Variants in MGST1 observed in about 807,000 individuals in gnomAD.
MGST1 encodes the protein glutathione S-transferase 12.
Under a neutral mutation model 8.9 loss-of-function variants are expected in MGST1, and 5 were observed. That is an observed-to-expected ratio of 0.56 (90% CI 0.29 to 1.19). MGST1 has a LOEUF of 1.19. MGST1 is among the 50% of genes most tolerant of loss of function. The probability of loss-of-function intolerance (pLI) is 0.08; values close to 1 mark genes in which losing one functional copy is unlikely to be tolerated. For synonymous variants in MGST1, 54 were observed against 67.8 expected (o/e 0.80, Z 1.00); for missense variants, 182 against 187.4 (o/e 0.97, Z 0.17).
downstream of MGST1, among the ~76,000 whole-genome samples, chr12:16,368,230 A>G (rs1051787426): frequency 6.6e-6 from 1 of 152,164 alleles, no homozygotes; most frequent in African/African-American, 2.4e-5. Context: ...AAAGTGTTAA[A>G]TTTTAATGCA....
intron 4 of MGST1, among the ~76,000 whole-genome samples, chr12:16,450,839 CGTGTGT>C (rs66984063): frequency 0.2 from 29,457 of 147,340 alleles, 2,944 homozygotes; most frequent in Non-Finnish European, 0.23. Flanking sequence ...ATATATATTC[CGTGTGT>C]GTGTGTGTGT....
chr12:16,498,340 G>A (rs1941483109), intron 4 of MGST1, among the ~76,000 whole-genome samples: 1 of 152,130 alleles, frequency 6.6e-6, no homozygotes, highest in Admixed American at 6.6e-5. Context: ...CATTTACTCA[G>A]TTACCCAGGA....
intron 4 of MGST1, among the ~76,000 whole-genome samples, chr12:16,553,059 A>C (rs529487553): frequency 6.6e-6 from 1 of 152,122 alleles, no homozygotes; most frequent in Non-Finnish European, 1.5e-5. Context: ...TCTTACCTCA[A>C]TGTTTGAAAC....
chr12:16,373,323 C>T (rs1051269583), intron 3 of MGST1, among the ~76,000 whole-genome samples: 3 of 151,342 alleles, frequency 2.0e-5, no homozygotes, highest in Non-Finnish European at 4.4e-5. Flanking sequence ...TGGAAGGAAT[C>T]GATCTAGTGT....
chr12:16,589,407 A>C lies in MGST1; in HGVS notation n.483-121A>C, dbSNP rs1943421177. 6.6e-6 allele frequency: 1 copy of C among 152,126 alleles called. No homozygotes were observed. The highest frequency in any genetic ancestry group is 1.5e-5 in the Non-Finnish European group (1 of 68,006). 9.4% of individuals were successfully genotyped at this position (152,126 alleles called of 1,614,324 possible). ...AGTATAAGCTTGTGGCTTTACTTTT[A>C]CTTGTGACTTCACAGTAAAAAATTA... On this transcript the variant is annotated intron_variant and non_coding_transcript_variant, in intron 4 of 4. Transcript: ENST00000538857. The surrounding 1 kb of genome is among the most constrained non-coding windows in gnomAD (Gnocchi z 4.2).
intron 4 of MGST1, among the ~76,000 whole-genome samples, chr12:16,523,341 CAGT>C (rs1386320292): frequency 2.0e-5 from 3 of 152,008 alleles, no homozygotes; most frequent in African/African-American, 7.2e-5. Flanking sequence ...GTTTTCTCAT[CAGT>C]AAAATTGGGG....
chr12:16,392,082 AT>A (rs1940558056), intron 1 of MGST1, among the ~76,000 whole-genome samples: 1 of 152,080 alleles, frequency 6.6e-6, no homozygotes, highest in Non-Finnish European at 1.5e-5. Context: ...TGGGCTCTCT[AT>A]TCTGTTCCAT....
At chr12:16,464,408 T>C (rs1233990706) in intron 4 of MGST1, among the ~76,000 whole-genome samples, 1 of 152,224 alleles carries the variant, frequency 6.6e-6, no homozygotes, top group Non-Finnish European at 1.5e-5. Flanking sequence ...GAAAGAATGA[T>C]TTCTTTCACC....
chr12:16,544,268 C>G lies in MGST1; in HGVS notation n.483-45260C>G, dbSNP rs892651902. ...CACACACACACACACACACACAAAA[C>G]ATAACCTACTAGTCAATCTGCCTGC... On this transcript the variant is annotated intron_variant and non_coding_transcript_variant, in intron 4 of 4. Coordinates refer to the MGST1 transcript ENST00000538857. This position sits in a 1 kb window ranked among gnomAD's most constrained non-coding sequence, Gnocchi z 4.8. Among the ~76,000 whole-genome samples the G allele has an allele frequency of 2.6e-5, 3 of 116,772 alleles. No homozygotes were observed. The highest frequency in any genetic ancestry group is 1.2e-4 in the African/African-American group (3 of 25,316). The allele number at this position is 116,772 out of a possible 152,430, so 76.6% of individuals were successfully genotyped here. A position where few individuals can be genotyped will look rare whatever the true frequency, so the allele number is the denominator to read the frequency against.
chr12:16,483,101 A>T (rs1360790893), intron 4 of MGST1, among the ~76,000 whole-genome samples: 1 of 152,246 alleles, frequency 6.6e-6, no homozygotes, highest in African/African-American at 2.4e-5. Flanking sequence ...CATAGATGCC[A>T]GGTTTGTTTA....
In MGST1 at chr12:16,395,811, A is replaced by ATATATATATATATATATG. The variant is rs1247749625; in HGVS notation, n.778+12207_778+12208insTATATATATATATATATG. Among the ~76,000 whole-genome samples, 37 of 141,450 alleles carry ATATATATATATATATATG rather than the reference A, an allele frequency of 2.6e-4. 1 individual carries two copies. The highest frequency in any genetic ancestry group is 1.1e-3 in the African/African-American group (36 of 33,286). 92.8% of individuals were successfully genotyped at this position (141,450 alleles called of 152,430 possible). A position where few individuals can be genotyped will look rare whatever the true frequency, so the allele number is the denominator to read the frequency against. On this transcript the variant is annotated intron_variant and non_coding_transcript_variant, in intron 1 of 1. Transcript: ENST00000359720. ...TATATATATATATATATATACACAC[A>ATATATATATATATATATG]CACACACACACACACCACAATTTCT...
chr12:16,431,996 A>T (rs965914996), intron 1 of MGST1, among the ~76,000 whole-genome samples: 1 of 152,176 alleles, frequency 6.6e-6, no homozygotes, highest in African/African-American at 2.4e-5. Context: ...CCATTTGAGA[A>T]ATTCATTTTG....
At position 16,351,000 on chromosome 12, in the gene MGST1, A is replaced by G. The variant is rs1002727310; in HGVS notation, c.-22-3231A>G. Among the ~76,000 whole-genome samples the G allele has an allele frequency of 4.6e-5, 7 of 152,014 alleles. No individual in the cohort carries two copies. In the East Asian group the frequency reaches 7.8e-4, roughly 17 times the overall value. On this transcript the variant is annotated intron_variant, in intron 1 of 3. Transcript: ENST00000396210. Reference sequence around the variant, plus strand: ...CTACCAACAGTCCTGGGAGGCTGCCATTTTTTTCTCTACTCTTTCAATACT... The same window carrying G: ...CTACCAACAGTCCTGGGAGGCTGCCGTTTTTTTCTCTACTCTTTCAATACT...
At chr12:16,436,557 GAAAA>G (rs141363129) in intron 1 of MGST1, among the ~76,000 whole-genome samples, 1 of 147,652 alleles carries the variant, frequency 6.8e-6, no homozygotes, top group Non-Finnish European at 1.5e-5. Context: ...AAACAGGAAA[GAAAA>G]AAAAACAGTA....
At chr12:16,448,253 A>G (rs1941098122) in intron 4 of MGST1, among the ~76,000 whole-genome samples, 1 of 151,914 alleles carries the variant, frequency 6.6e-6, no homozygotes, top group Non-Finnish European at 1.5e-5. Flanking sequence ...TTTCTCCTAT[A>G]ATTTATATAA....
chr12:16,387,584 T>G (rs1348927942), intron 1 of MGST1, among the ~76,000 whole-genome samples: 1 of 151,384 alleles, frequency 6.6e-6, no homozygotes, highest in Admixed American at 6.6e-5. Context: ...TGGAGTGCAG[T>G]GGGGCTATCT....
At chr12:16,453,805 C>G (rs919284842) in intron 4 of MGST1, among the ~76,000 whole-genome samples, 29 of 151,438 alleles carry the variant, frequency 1.9e-4, no homozygotes, top group Non-Finnish European at 2.7e-4. Context: ...ATGTGCGTGT[C>G]TATCTACAAA....
chr12:16,400,514 C>A, intron 1 of MGST1: 2 of 831,500 alleles, frequency 2.4e-6, no homozygotes, highest in Non-Finnish European at 4.3e-6. Context: ...TTCTCTTTCT[C>A]TTCAGCTTCT....
intron 4 of MGST1, among the ~76,000 whole-genome samples, chr12:16,578,857 C>CAAA (rs1943074072): frequency 6.9e-6 from 1 of 145,856 alleles, no homozygotes; most frequent in South Asian, 2.2e-4. Context: ...ACAACAACAA[C>CAAA]AAAACATTAA....
Sources: gnomAD v4.1 joint callset for allele counts (sites outside exome capture counted in the v4.1 genomes callset) on GRCh38, gnomAD v4.1.1 for gene constraint, Gnocchi (gnomAD v3.1) non-coding constraint, MANE v1.5 for transcripts, NCBI Gene and HGNC (gene_info 2026-07-23, HGNC 2026-07-21) for gene names.